The following FBLN5 variants were observed in gnomAD, a reference collection of about 807,000 sequenced individuals.
FBLN5 encodes fibulin 5.
A neutral mutation model predicts 61.6 loss-of-function variants in FBLN5; 24 were observed. The observed-to-expected ratio is 0.39, with a 90% CI of 0.28 to 0.55. The LOEUF (loss-of-function observed/expected upper bound fraction) is 0.55, where lower values mean the gene tolerates loss of function less well. Ranked by LOEUF, FBLN5 falls within the 20% of genes least tolerant of loss-of-function variation. FBLN5 has a pLI of 0.65. For synonymous variants in FBLN5, 213 were observed against 219.8 expected, an observed-to-expected ratio of 0.97 and a Z score of 0.27; for missense variants, 470 against 594.1, an observed-to-expected ratio of 0.79 and a Z score of 2.17.
In FBLN5 at chr14:91,937,172, C is replaced by G; in HGVS notation, c.154G>C (p.Ala52Pro). ...DIDECRTIPE[A>P]CRGDMMCVNQ... ...ACACACATCATGTCTCCTCGGCAGG[C>G]CTCGGGGATGGTTCGGCATTCATCA... The change falls in exon 4 of 11, where the codon GCC (alanine) becomes CCC (proline). Residue 52 changes from alanine (A) to proline (P), a missense_variant. Physicochemically the swap from Ala to Pro is conservative, Grantham distance 27. Coordinates refer to ENST00000342058, the MANE Select transcript of FBLN5 (RefSeq NM_006329.4). 6.2e-7 allele frequency: 1 copy of G among 1,614,076 alleles called. No homozygotes were observed. Among genetic ancestry groups the G allele is most frequent in the Non-Finnish European group, 8.5e-7 (1 of 1,180,016 alleles).
intron 10 of FBLN5, chr14:91,873,503 A>G (rs1032995237): frequency 1.3e-5 from 2 of 152,472 alleles, no homozygotes; most frequent in African/African-American, 4.8e-5. Context: ...TCACCATCCC[A>G]TGGGTCTTGA....
rs767889200 is a variant in FBLN5 at position 91,894,937 on chromosome 14, A to G, written c.502+13T>C. The G allele has an allele frequency of 5.3e-6, 8 of 1,511,894 alleles. No individual in the cohort carries two copies. Among genetic ancestry groups the G allele is most frequent in the Non-Finnish European group, 7.2e-6 (8 of 1,117,564 alleles). The allele number at this position is 1,511,894 out of a possible 1,614,324, so 93.7% of individuals were successfully genotyped here. On this transcript the variant is annotated intron_variant, in intron 5 of 10. Coordinates refer to ENST00000342058, the MANE Select transcript of FBLN5 (RefSeq NM_006329.4). ...TTCCAAGAGTCCCTGTGACCCCCCC[A>G]GAGAGCTGTTACCTAAGCACTGGCC...
At chr14:91,946,046 T>A (rs1381159160) in intron 1 of FBLN5, among the ~76,000 whole-genome samples, 2 of 152,186 alleles carry the variant, frequency 1.3e-5, no homozygotes, top group Non-Finnish European at 2.9e-5. Flanking sequence ...ACAGTGGACT[T>A]CAAGAGCTAG....
At chr14:91,877,075 TCAGA>T (rs1276571940) in intron 10 of FBLN5, among the ~76,000 whole-genome samples, 1 of 152,080 alleles carries the variant, frequency 6.6e-6, no homozygotes, top group East Asian at 1.9e-4. Context: ...GCTCCTGAGC[TCAGA>T]CAATCTGTCC....
intron 3 of FBLN5, 152 bp from the exon 4 acceptor site, chr14:91,937,353 G>A: frequency 1.1e-6 from 1 of 933,928 alleles, no homozygotes; most frequent in East Asian, 2.6e-5. Context: ...CCCAAATGTT[G>A]GCTGAAGTGT....
chr14:91,901,895 C>T (rs575607836), intron 4 of FBLN5, among the ~76,000 whole-genome samples: 155 of 152,230 alleles, frequency 1.0e-3, no homozygotes, highest in Non-Finnish European at 1.6e-3. Context: ...TTGAATGAAA[C>T]CAGCTGGAAT....
chr14:91,883,680 A>C (rs912469945), intron 7 of FBLN5, among the ~76,000 whole-genome samples: 1 of 148,998 alleles, frequency 6.7e-6, no homozygotes, highest in African/African-American at 2.4e-5. Flanking sequence ...CACACACAAA[A>C]ACAAAAACAA....
intron 4 of FBLN5, among the ~76,000 whole-genome samples, chr14:91,928,190 C>T (rs2055861584): frequency 6.6e-6 from 1 of 152,220 alleles, no homozygotes; most frequent in East Asian, 1.9e-4. Flanking sequence ...CAGAGAAGAG[C>T]CACGTCACCT....
Position 91,882,957 on chromosome 14 carries a change from G to A in FBLN5, c.859C>T (p.Gln287Ter). ...YILLDDNRSC[Q>*]DINECEHRNH... The stretch of plus-strand genomic sequence containing the variant: ...AGGCCCCTCCGGACAGCCTTACCTT[G>A]GCAGCTTCGGTTGTCATCCAGCAGG... The change falls in exon 8 of 11, where the codon CAA becomes TAA. Residue 287 changes from glutamine to a stop codon, truncating the protein, a stop_gained. Transcript: ENST00000342058. LOFTEE classifies it high-confidence loss of function. This position sits in a 1 kb window ranked among gnomAD's most constrained non-coding sequence, Gnocchi z 4.9. 1 of 1,613,892 alleles carries A rather than the reference G, an allele frequency of 6.2e-7. No individual in the cohort carries two copies. The highest frequency in any genetic ancestry group is 8.5e-7 in the Non-Finnish European group (1 of 1,179,858).
chr14:91,872,409 A>C (rs1447903249), intron 10 of FBLN5, among the ~76,000 whole-genome samples: 11 of 152,218 alleles, frequency 7.2e-5, no homozygotes, highest in African/African-American at 2.7e-4. Flanking sequence ...TGGGCTGGAC[A>C]ATCACTTCCC....
chr14:91,936,315 G>A (rs1341736438), intron 4 of FBLN5, among the ~76,000 whole-genome samples: 1 of 152,184 alleles, frequency 6.6e-6, no homozygotes, highest in Non-Finnish European at 1.5e-5. Flanking sequence ...CTATTCACAG[G>A]CGCGATCACA....
intron 5 of FBLN5, 110 bp downstream of exon 5, chr14:91,894,840 G>GA: frequency 3.1e-6 from 1 of 323,722 alleles, no homozygotes; most frequent in Non-Finnish European, 6.2e-6. Context: ...GCCCTCCCTA[G>GA]CAAAGAAAAG....
In FBLN5 at chr14:91,936,935, C is replaced by T. The variant is rs1174435988; in HGVS notation, c.379+12G>A. 4 of 1,614,084 alleles carry T rather than the reference C, an allele frequency of 2.5e-6. No homozygotes were observed. The South Asian group carries it at 3.3e-5, about 13-fold the overall frequency. On this transcript the variant is annotated intron_variant, in intron 4 of 10. Transcript: ENST00000342058. ...AGCACAGCGGAGAGGAACAAAAGGC[C>T]GGGCTACTCACCCACACATTGGTTG...
chr14:91,877,634 A>G lies in FBLN5; in HGVS notation c.1038T>C (p.Phe346=). The G allele has an allele frequency of 6.2e-7, 1 of 1,614,190 alleles. No homozygotes were observed. The highest frequency in any genetic ancestry group is 8.5e-7 in the Non-Finnish European group (1 of 1,180,014). ...AENPGCRDQP[F]TILYRDMDVV... ...CGTCCATGTCCCGGTACAAGATGGT[A>G]AAGGGCTGGTCTCTGCAGCCAGGGT... The change falls in exon 10 of 11, where the codon TTT becomes TTC. Residue 346 remains phenylalanine, a synonymous_variant. Coordinates refer to ENST00000342058, the MANE Select transcript of FBLN5 (RefSeq NM_006329.4).
In FBLN5 at chr14:91,887,310, C is replaced by T; in HGVS notation, c.622G>A (p.Val208Met). The T allele has an allele frequency of 6.2e-7, 1 of 1,611,900 alleles. No individual in the cohort carries two copies. The highest frequency in any genetic ancestry group is 1.1e-5 in the South Asian group (1 of 90,920). ...LNEDGRSCQD[V>M]NECATENPCV... is the part of the protein sequence containing the mutation. ...GGGTTCTCGGTGGCACACTCGTTCA[C>T]ATCTGTGGAAAGCCAAGGCACATTG... The change falls in exon 7 of 11, where the codon GTG (valine) becomes ATG (methionine). Residue 208 changes from valine (V) to methionine (M), a missense_variant and splice_region_variant. Coordinates refer to ENST00000342058, the MANE Select transcript of FBLN5 (RefSeq NM_006329.4).
intron 9 of FBLN5, among the ~76,000 whole-genome samples, 158 bp downstream of exon 9, chr14:91,881,134 C>CATACAT (rs113102377): frequency 1.3e-5 from 2 of 150,976 alleles, no homozygotes; most frequent in African/African-American, 2.4e-5. Context: ...CACACACACA[C>CATACAT]ACACACACAC....
chr14:91,900,373 T>A (rs1890403709), intron 4 of FBLN5, among the ~76,000 whole-genome samples: 1 of 152,242 alleles, frequency 6.6e-6, no homozygotes, highest in Non-Finnish European at 1.5e-5. Context: ...TATACATATA[T>A]GTATTTACAG....
intron 4 of FBLN5, among the ~76,000 whole-genome samples, chr14:91,915,399 G>T (rs557717044): frequency 6.6e-6 from 1 of 151,716 alleles, no homozygotes; most frequent in Non-Finnish European, 1.5e-5. Flanking sequence ...AAATTATATC[G>T]TAGCGGCCAA....
chr14:91,912,703 G>A (rs1026913751), intron 4 of FBLN5, among the ~76,000 whole-genome samples: 15 of 151,760 alleles, frequency 9.9e-5, no homozygotes, highest in South Asian at 2.1e-4. Flanking sequence ...CCAGCTACTC[G>A]GGAGGCTAAG....
Sources: allele counts gnomAD v4.1 joint callset (sites outside exome capture counted in the v4.1 genomes callset), GRCh38; gene constraint gnomAD v4.1.1; non-coding constraint Gnocchi (gnomAD v3.1); transcripts MANE v1.5; gene names NCBI Gene and HGNC (gene_info 2026-07-23, HGNC 2026-07-21).